FHIT: variants seen among roughly 807,000 people sequenced by gnomAD.
FHIT encodes the protein fragile histidine triad diadenosine triphosphatase.
Under a neutral mutation model 17.9 loss-of-function variants are expected in FHIT, and 19 were observed. The observed-to-expected ratio is 1.06, with a 90% CI of 0.74 to 1.56. The LOEUF (loss-of-function observed/expected upper bound fraction) is 1.56. Ranked by LOEUF, FHIT falls within the 40% of genes most tolerant of loss-of-function variation. FHIT has a pLI of 0.00. For missense variants in FHIT, 248 were observed against 189.2 expected, an observed-to-expected ratio of 1.31 and a Z score of -1.82; for synonymous variants, 81 against 69.7, an observed-to-expected ratio of 1.16 and a Z score of -0.81.
intron 8 of FHIT, among the ~76,000 whole-genome samples, chr3:59,918,808 T>C (rs1396048121): frequency 6.6e-6 from 1 of 152,102 alleles, no homozygotes; most frequent in Non-Finnish European, 1.5e-5. Context: ...TTCAAACTCA[T>C]TAAAAAATAC....
chr3:61,039,681 C>T (rs570750216), intron 3 of FHIT, among the ~76,000 whole-genome samples: 1 of 152,198 alleles, frequency 6.6e-6, no homozygotes, highest in South Asian at 2.1e-4. Flanking sequence ...GGGAGGGGAA[C>T]ATCACATACC....
intron 3 of FHIT, among the ~76,000 whole-genome samples, chr3:60,905,824 A>G (rs1706379903): frequency 6.6e-6 from 1 of 152,174 alleles, no homozygotes; most frequent in Non-Finnish European, 1.5e-5. Flanking sequence ...AACTAATGAA[A>G]ATATTTTCAA....
At chr3:60,454,964 T>C (rs1165932948) in intron 5 of FHIT, among the ~76,000 whole-genome samples, 5 of 152,114 alleles carry the variant, frequency 3.3e-5, no homozygotes, top group Admixed American at 6.5e-5. Flanking sequence ...AAGTTTACTA[T>C]CAAACAGCAG....
chr3:60,131,436 C>T (rs530921287), intron 5 of FHIT, among the ~76,000 whole-genome samples: 2 of 152,100 alleles, frequency 1.3e-5, no homozygotes, highest in Non-Finnish European at 2.9e-5. Context: ...AACCAATACT[C>T]ATATTCGCAC....
intron 5 of FHIT, among the ~76,000 whole-genome samples, chr3:60,223,694 C>G (rs1200107760): frequency 1.3e-5 from 2 of 152,108 alleles, no homozygotes; most frequent in African/African-American, 2.4e-5. Context: ...TCCAAAGCCC[C>G]CTGCCAAGTC....
At chr3:60,817,299 T>C (rs1013251005) in intron 4 of FHIT, among the ~76,000 whole-genome samples, 2 of 152,086 alleles carry the variant, frequency 1.3e-5, no homozygotes. Flanking sequence ...GTCTTTTATA[T>C]TTACAATTTC....
chr3:60,993,784 T>C lies in FHIT; in HGVS notation c.-111+48263A>G, dbSNP rs1162772320. On this transcript the variant is annotated intron_variant, in intron 3 of 9. Transcript: ENST00000492590. ...CATCTCAAGGCTCATAACATTGGTT[T>C]GTAGGAGGAGGTCTGAACGAGGGCC... Among the ~76,000 whole-genome samples the C allele has an allele frequency of 7.2e-5, 11 of 152,348 alleles. 1 individual carries two copies. The East Asian group carries it at 2.1e-3, about 29-fold the overall frequency.
chr3:60,579,192 CA>C (rs1306741896), intron 4 of FHIT, among the ~76,000 whole-genome samples: 1 of 152,144 alleles, frequency 6.6e-6, no homozygotes, highest in Non-Finnish European at 1.5e-5. Flanking sequence ...TGCACTTACA[CA>C]AACCTAGATA....
chr3:60,318,006 G>T (rs1248402648), intron 5 of FHIT, among the ~76,000 whole-genome samples: 1 of 151,980 alleles, frequency 6.6e-6, no homozygotes, highest in African/African-American at 2.4e-5. Flanking sequence ...TGGCCAGGCT[G>T]GTCTCAAACC....
At chr3:61,206,646 T>G (rs867754391) in intron 1 of FHIT, among the ~76,000 whole-genome samples, 2 of 152,136 alleles carry the variant, frequency 1.3e-5, no homozygotes, top group Non-Finnish European at 2.9e-5. Context: ...AAGGAATGCT[T>G]GTGATTTTTG....
At position 59,814,045 on chromosome 3, in the gene FHIT, T is replaced by TACACACACACACACACACAC. The variant is rs144355020; in HGVS notation, c.349-61744_349-61725dup. Among the ~76,000 whole-genome samples, 71 of 146,862 alleles carry TACACACACACACACACACAC rather than the reference T, an allele frequency of 4.8e-4. 1 individual carries two copies. Among genetic ancestry groups the TACACACACACACACACACAC allele is most frequent in the Middle Eastern group, 3.5e-3 (1 of 288 alleles). On this transcript the variant is annotated intron_variant, in intron 8 of 9. Coordinates refer to ENST00000492590, the MANE Select transcript of FHIT (RefSeq NM_002012.4). ...CCCTCTATGTAAAAAAATTTACACA[T>TACACACACACACACACACAC]ACACACACACACACACACACACACA...
At chr3:60,392,331 A>G (rs1005729884) in intron 5 of FHIT, among the ~76,000 whole-genome samples, 14 of 152,208 alleles carry the variant, frequency 9.2e-5, no homozygotes, top group African/African-American at 3.4e-4. Context: ...CAAGAAGCTT[A>G]TGGGGGCAAT....
At chr3:60,985,530 T>A (rs1430434884) in intron 3 of FHIT, among the ~76,000 whole-genome samples, 1 of 152,100 alleles carries the variant, frequency 6.6e-6, no homozygotes, top group Non-Finnish European at 1.5e-5. Context: ...AAAACAAGCA[T>A]GTGACCTATG....
At chr3:60,043,876 G>C (rs1187517608) in intron 5 of FHIT, among the ~76,000 whole-genome samples, 2 of 152,152 alleles carry the variant, frequency 1.3e-5, no homozygotes, top group African/African-American at 4.8e-5. Flanking sequence ...ACATCAGACA[G>C]TGGCAGCCTA....
At chr3:60,785,065 T>C (rs1226024211) in intron 4 of FHIT, among the ~76,000 whole-genome samples, 1 of 152,098 alleles carries the variant, frequency 6.6e-6, no homozygotes, top group African/African-American at 2.4e-5. Context: ...CCAGCCCCTG[T>C]CCACCAGAAA....
At chr3:60,025,240 A>T (rs1012882034) in intron 5 of FHIT, among the ~76,000 whole-genome samples, 12 of 152,226 alleles carry the variant, frequency 7.9e-5, no homozygotes, top group Non-Finnish European at 1.5e-4. Context: ...GTCTACAGAT[A>T]GGCTCCAGGG....
chr3:59,860,548 T>C (rs1461769070), intron 8 of FHIT, among the ~76,000 whole-genome samples: 5 of 152,238 alleles, frequency 3.3e-5, no homozygotes, highest in African/African-American at 1.2e-4. Context: ...ACACCCTTCA[T>C]CAACACCCTT....
intron 8 of FHIT, among the ~76,000 whole-genome samples, chr3:59,823,161 C>T (rs146819995): frequency 3.8e-4 from 58 of 152,116 alleles, no homozygotes; most frequent in African/African-American, 1.3e-3. Flanking sequence ...GGTCTATGTG[C>T]CTATTTTTAA....
intron 4 of FHIT, among the ~76,000 whole-genome samples, chr3:60,601,929 A>AG (rs60587178): frequency 0.019 from 1,556 of 80,014 alleles, 33 homozygotes; most frequent in African/African-American, 0.042. Context: ...AAACAGAAAT[A>AG]GAAAAAGTCA....
Sources: gnomAD v4.1 joint callset for allele counts (sites outside exome capture counted in the v4.1 genomes callset) on GRCh38, gnomAD v4.1.1 for gene constraint, MANE v1.5 for transcripts, NCBI Gene and HGNC (gene_info 2026-07-23, HGNC 2026-07-21) for gene names.